Variants in TRHDE observed in about 807,000 individuals in gnomAD.
TRHDE encodes thyrotropin-releasing hormone-degrading ectoenzyme.
In TRHDE, 72 loss-of-function variants were observed where a neutral mutation model predicts 125.7. The observed-to-expected ratio is 0.57, with a 90% CI of 0.47 to 0.70. TRHDE has a LOEUF of 0.70. Ranked by LOEUF, TRHDE falls within the 30% of genes least tolerant of loss-of-function variation. The probability of loss-of-function intolerance (pLI) is 0.00; values close to 1 mark genes in which losing one functional copy is unlikely to be tolerated. For synonymous variants in TRHDE, 509 were observed against 509.1 expected (o/e 1.00, Z 0.00); for missense variants, 1,110 against 1,327.1 (o/e 0.84, Z 2.54).
chr12:72,430,769 G>T (rs996428764), intron 3 of TRHDE, among the ~76,000 whole-genome samples: 4 of 151,898 alleles, frequency 2.6e-5, no homozygotes, highest in Non-Finnish European at 5.9e-5. Flanking sequence ...TTTAGGATCA[G>T]CTTGTCAGTT....
rs111312234 is a variant in TRHDE, at chr12:72,618,869, CTTT to C, written c.2322-11_2322-9del. On this transcript the variant is annotated intron_variant, in intron 12 of 18. Transcript: ENST00000261180. ...TCTTCGTTTGTGCATCATCATGTAT[CTTT>C]TTTTTTTTTTAACTGTAGGGCTGGC... The C allele has an allele frequency of 2.6e-4, 353 of 1,343,586 alleles. No individual in the cohort carries two copies. The highest frequency in any genetic ancestry group is 1.2e-3 in the South Asian group (74 of 61,468). 83.2% of individuals were successfully genotyped at this position (1,343,586 alleles called of 1,614,324 possible).
chr12:72,653,218 C>T (rs1874578245), intron 17 of TRHDE, 62 bp downstream of exon 17: 1 of 1,416,854 alleles, frequency 7.1e-7, no homozygotes, highest in African/African-American at 1.5e-5. Flanking sequence ...GAATAAAGGC[C>T]CAAGTTTTGT....
chr12:72,209,510 G>T (rs1877732582), intron 2 of TRHDE, among the ~76,000 whole-genome samples: 1 of 152,194 alleles, frequency 6.6e-6, no homozygotes, highest in Non-Finnish European at 1.5e-5. Context: ...CTAAGTTTGT[G>T]TGATTAAATT....
intron 2 of TRHDE, among the ~76,000 whole-genome samples, chr12:72,360,788 G>A (rs1309124985): frequency 4.6e-5 from 7 of 151,720 alleles, no homozygotes; most frequent in Non-Finnish European, 1.0e-4. Flanking sequence ...ATCGGATGAA[G>A]GGAGTGTTTT....
intron 2 of TRHDE, among the ~76,000 whole-genome samples, chr12:72,164,876 G>T (rs1876711054): frequency 1.3e-5 from 2 of 152,300 alleles, no homozygotes; most frequent in Middle Eastern, 3.4e-3. Context: ...AAATCTCTGG[G>T]CCGGCCACTT....
At chr12:72,505,375 T>C (rs1161029757) in intron 6 of TRHDE, among the ~76,000 whole-genome samples, 1 of 152,122 alleles carries the variant, frequency 6.6e-6, no homozygotes, top group Non-Finnish European at 1.5e-5. Context: ...CAGGAAGGAC[T>C]GGAATAGATG....
chr12:72,640,688 G>A (rs994357812), intron 15 of TRHDE, among the ~76,000 whole-genome samples: 3 of 152,138 alleles, frequency 2.0e-5, no homozygotes, highest in African/African-American at 2.4e-5. Context: ...CCCGTCTTCT[G>A]CATCGCTCAT....
intron 2 of TRHDE, among the ~76,000 whole-genome samples, chr12:72,161,203 G>A (rs776934976): frequency 3.3e-5 from 5 of 152,188 alleles, no homozygotes; most frequent in Non-Finnish European, 7.3e-5. Flanking sequence ...GGGAGGCCAA[G>A]GCTGGCAGAT....
intron 3 of TRHDE, among the ~76,000 whole-genome samples, chr12:72,401,604 T>A (rs1482652939): frequency 6.6e-6 from 1 of 152,216 alleles, no homozygotes; most frequent in Non-Finnish European, 1.5e-5. Context: ...CCCAGTGATG[T>A]AATTAATAAG....
intron 1 of TRHDE, among the ~76,000 whole-genome samples, chr12:72,095,681 G>A (rs1171556157): frequency 6.6e-6 from 1 of 152,156 alleles, no homozygotes; most frequent in African/African-American, 2.4e-5. Context: ...TTTTCCTGTA[G>A]ATCTGGATTT....
intron 6 of TRHDE, among the ~76,000 whole-genome samples, chr12:72,500,398 T>A (rs1787815157): frequency 6.6e-6 from 1 of 151,970 alleles, no homozygotes; most frequent in African/African-American, 2.4e-5. Flanking sequence ...TCTATGTACT[T>A]TTTTTTTCTT....
At chr12:72,471,884 A>G (rs911818397) in intron 4 of TRHDE, among the ~76,000 whole-genome samples, 2 of 152,046 alleles carry the variant, frequency 1.3e-5, no homozygotes, top group East Asian at 1.9e-4. Context: ...GGACTCTTTC[A>G]TGCTTTCCTC....
intron 15 of TRHDE, among the ~76,000 whole-genome samples, chr12:72,647,557 A>C (rs1874332118): frequency 6.6e-6 from 1 of 152,042 alleles, no homozygotes; most frequent in Non-Finnish European, 1.5e-5. Context: ...TGAAAAAGAG[A>C]GAAGACTCAA....
At chr12:72,135,715 A>C (rs570880089) in intron 2 of TRHDE, among the ~76,000 whole-genome samples, 1 of 152,284 alleles carries the variant, frequency 6.6e-6, no homozygotes, top group African/African-American at 2.4e-5. Context: ...CTCTAGACTT[A>C]CCGCTGAACT....
rs185072368 is a variant in TRHDE at position 72,217,939 on chromosome 12, T to C, written n.279+112187T>C. Among the ~76,000 whole-genome samples, 141 of 152,224 alleles carry C rather than the reference T, an allele frequency of 9.3e-4. 2 individuals are homozygous for C. The highest frequency in any genetic ancestry group is 3.2e-3 in the African/African-American group (134 of 41,558). ...TTAAGATTAGTATTAAATTTAAAAT[T>C]TTTTGTCTATAACAAAAATGTATAC... On this transcript the variant is annotated intron_variant and non_coding_transcript_variant, in intron 2 of 4. Coordinates refer to the TRHDE transcript ENST00000548156.
chr12:72,219,519 C>T (rs1354612279), intron 2 of TRHDE, among the ~76,000 whole-genome samples: 2 of 152,124 alleles, frequency 1.3e-5, no homozygotes, highest in Admixed American at 6.6e-5. Flanking sequence ...GAACTATGTG[C>T]CTTCCCACCC....
chr12:72,211,662 G>A (rs1283572729), intron 2 of TRHDE, among the ~76,000 whole-genome samples: 1 of 152,080 alleles, frequency 6.6e-6, no homozygotes, highest in African/African-American at 2.4e-5. Context: ...TATATAGACT[G>A]CTAGTCTTGA....
chr12:72,279,046 A>T (rs1054457119), intron 1 of TRHDE, among the ~76,000 whole-genome samples: 7 of 152,126 alleles, frequency 4.6e-5, no homozygotes, highest in African/African-American at 1.2e-4. Context: ...TCTGCTTCGG[A>T]TCCCTTTCAA....
chr12:72,398,082 T>C (rs1565727054), intron 3 of TRHDE, among the ~76,000 whole-genome samples: 1 of 150,376 alleles, frequency 6.6e-6, no homozygotes, highest in Non-Finnish European at 1.5e-5. Context: ...GAATATGAGG[T>C]GTTTGGTTTT....
Sources: gnomAD v4.1 joint callset for allele counts (sites outside exome capture counted in the v4.1 genomes callset) on GRCh38, gnomAD v4.1.1 for gene constraint, MANE v1.5 for transcripts, NCBI Gene and HGNC (gene_info 2026-07-23, HGNC 2026-07-21) for gene names.